Variants in USP46 observed in about 807,000 individuals in gnomAD.
USP46 encodes the protein ubiquitin carboxyl-terminal hydrolase 46.
USP46 carries 12 observed loss-of-function variants against 44.4 expected under a neutral mutation model. That is an observed-to-expected ratio of 0.27 (90% confidence interval 0.17 to 0.44). The LOEUF is 0.44. USP46 is among the 20% of genes least tolerant of loss of function. The pLI, the probability that USP46 is intolerant of heterozygous loss-of-function variation, is 1.00. For missense variants in USP46, 248 were observed against 444.8 expected, an observed-to-expected ratio of 0.56 and a Z score of 3.98; for synonymous variants, 155 against 161.5, an observed-to-expected ratio of 0.96 and a Z score of 0.31.
chr4:52,593,177 G>T lies in USP46; in HGVS notation c.*4463C>A, dbSNP rs901337507. On this transcript the variant is annotated 3_prime_UTR_variant, in exon 9 of 9. Transcript: ENST00000441222. The stretch of plus-strand genomic sequence containing the variant: ...GGTATTTTAAGTATCAATAAAAAGA[G>T]AGGAAAGGAAATTTGAAGAAATGGG... 2.6e-6 allele frequency: 1 copy of T among 378,776 alleles called. No individual in the cohort carries two copies. The highest frequency in any genetic ancestry group is 4.7e-6 in the Non-Finnish European group (1 of 214,498). 23.5% of individuals were successfully genotyped at this position (378,776 alleles called of 1,614,324 possible).
At position 52,594,474 on chromosome 4, in the gene USP46, T is replaced by C. The variant is rs1048725045; in HGVS notation, c.*3166A>G. 6.6e-6 allele frequency: 1 copy of C among 152,244 alleles called. No homozygotes were observed. Among genetic ancestry groups the C allele is most frequent in the Non-Finnish European group, 1.5e-5 (1 of 68,038 alleles). The allele number at this position is 152,244 out of a possible 1,614,324, so 9.4% of individuals were successfully genotyped here. ...CAGAAAAGTAGGAAATAATTTTCCCTGACCCATGCCACTTACATGAGTTCA... is the reference window on the plus strand; with the variant it reads ...CAGAAAAGTAGGAAATAATTTTCCCCGACCCATGCCACTTACATGAGTTCA... On this transcript the variant is annotated 3_prime_UTR_variant, in exon 9 of 9. Transcript: ENST00000441222.
chr4:52,651,395 A>G lies in USP46; in HGVS notation c.36+7720T>C, dbSNP rs548101810. ...AAACTCTCTGGGTGTTGAACCCCAG[A>G]GTCTAAATTTTTAATAAGAGAATGC... On this transcript the variant is annotated intron_variant, in intron 1 of 8. Transcript: ENST00000441222. Among the ~76,000 whole-genome samples the G allele has an allele frequency of 5.9e-5, 9 of 152,264 alleles. No individual in the cohort carries two copies. In the East Asian group the frequency reaches 1.7e-3, roughly 29 times the overall value.
intron 1 of USP46, among the ~76,000 whole-genome samples, chr4:52,632,972 G>GAAAGAAAGAAAGAAAGA (rs1560405998): frequency 1.4e-5 from 1 of 73,986 alleles, no homozygotes; most frequent in Non-Finnish European, 2.6e-5. Context: ...AAGAAAGAAA[G>GAAAGAAAGAAAGAAAGA]AAAGAAAGAA....
At chr4:52,616,799 T>G (rs898503013) in intron 4 of USP46, among the ~76,000 whole-genome samples, 2 of 152,072 alleles carry the variant, frequency 1.3e-5, no homozygotes, top group Non-Finnish European at 2.9e-5. Context: ...CACAACAAAA[T>G]TAGAAATCAA....
chr4:52,656,296 C>A (rs1457203182), intron 1 of USP46: 3 of 1,551,436 alleles, frequency 1.9e-6, no homozygotes, highest in Non-Finnish European at 2.6e-6. Flanking sequence ...AGACACCTAC[C>A]TGAAAACAAT....
chr4:52,606,624 T>C (rs140155230), intron 5 of USP46, among the ~76,000 whole-genome samples: 2 of 152,276 alleles, frequency 1.3e-5, no homozygotes, highest in African/African-American at 4.8e-5. Flanking sequence ...TGGGAATTAT[T>C]ACAATCCAAT....
chr4:52,632,918 G>GAGAAGGAAAGAA (rs1717900413), intron 1 of USP46, among the ~76,000 whole-genome samples: 1 of 35,176 alleles, frequency 2.8e-5, no homozygotes, highest in Admixed American at 3.8e-4. Context: ...AAGAAAGAAA[G>GAGAAGGAAAGAA]AGAAAGAAAG....
At chr4:52,613,655 G>A (rs549551916) in intron 4 of USP46, among the ~76,000 whole-genome samples, 1 of 151,364 alleles carries the variant, frequency 6.6e-6, no homozygotes, top group Non-Finnish European at 1.5e-5. Context: ...CCAGGAGGCG[G>A]AGGTTGCAGT....
At chr4:52,619,595 T>G (rs1444998903) in intron 4 of USP46, among the ~76,000 whole-genome samples, 1 of 152,220 alleles carries the variant, frequency 6.6e-6, no homozygotes, top group African/African-American at 2.4e-5. Context: ...TCTTTCCCAT[T>G]TGGTCTTCTT....
chr4:52,640,164 G>A (rs1376242096), intron 1 of USP46, among the ~76,000 whole-genome samples: 1 of 152,120 alleles, frequency 6.6e-6, no homozygotes, highest in Non-Finnish European at 1.5e-5. Flanking sequence ...TTACCCTACA[G>A]GTACTGCTAT....
chr4:52,620,496 G>T (rs1560399537), intron 4 of USP46, among the ~76,000 whole-genome samples: 2 of 152,096 alleles, frequency 1.3e-5, no homozygotes, highest in African/African-American at 4.8e-5. Context: ...TTCTAGAAAG[G>T]CAGGGCTCTC....
At chr4:52,607,256 T>A (rs772599862) in intron 5 of USP46, among the ~76,000 whole-genome samples, 1 of 152,138 alleles carries the variant, frequency 6.6e-6, no homozygotes, top group African/African-American at 2.4e-5. Context: ...AGGGCATCCA[T>A]GAGTTGAGAA....
At chr4:52,651,536 C>A (rs1718771624) in intron 1 of USP46, among the ~76,000 whole-genome samples, 1 of 152,146 alleles carries the variant, frequency 6.6e-6, no homozygotes, top group Non-Finnish European at 1.5e-5. Flanking sequence ...AGAATACTTT[C>A]TAAATATTTA....
intron 2 of USP46, chr4:52,629,566 A>G (rs1252371726): frequency 6.6e-6 from 3 of 456,006 alleles, no homozygotes; most frequent in East Asian, 1.4e-4. Context: ...TTTCACCAAC[A>G]CAATGCCCTA....
chr4:52,611,889 C>CA (rs987505658), intron 4 of USP46, among the ~76,000 whole-genome samples: 5 of 146,580 alleles, frequency 3.4e-5, no homozygotes, highest in Non-Finnish European at 6.0e-5. Flanking sequence ...GACCCTGTCT[C>CA]AAAAAAAAAA....
chr4:52,597,559 G>T lies in USP46; in HGVS notation c.*81C>A. ...GTGATACCATTAGTGGGCCACTGGG[G>T]AAGAGGAAAGCCTGCGGAGAAGCCG... On this transcript the variant is annotated 3_prime_UTR_variant, in exon 9 of 9. Coordinates refer to ENST00000441222, the MANE Select transcript of USP46 (RefSeq NM_022832.4). 1 of 932,176 alleles carries T rather than the reference G, an allele frequency of 1.1e-6. No homozygotes were observed. The highest frequency in any genetic ancestry group is 1.7e-6 in the Non-Finnish European group (1 of 598,830). 57.7% of individuals were successfully genotyped at this position (932,176 alleles called of 1,614,324 possible).
At chr4:52,638,462 T>C (rs1439639020) in intron 1 of USP46, among the ~76,000 whole-genome samples, 1 of 152,044 alleles carries the variant, frequency 6.6e-6, no homozygotes, top group Admixed American at 6.6e-5. Context: ...TTTGTCTTTT[T>C]AAGCTACTAA....
chr4:52,622,574 C>T (rs371469832), intron 4 of USP46, among the ~76,000 whole-genome samples: 14 of 151,966 alleles, frequency 9.2e-5, no homozygotes, highest in East Asian at 3.9e-4. Context: ...GAAGCAAGAC[C>T]GACACTATCC....
intron 4 of USP46, among the ~76,000 whole-genome samples, chr4:52,620,231 T>A (rs1259359363): frequency 6.6e-6 from 1 of 152,106 alleles, no homozygotes; most frequent in Non-Finnish European, 1.5e-5. Context: ...CAACAACAAC[T>A]ACAGATGTGT....
Sources: allele counts gnomAD v4.1 joint callset (sites outside exome capture counted in the v4.1 genomes callset), GRCh38; gene constraint gnomAD v4.1.1; transcripts MANE v1.5; gene names NCBI Gene and HGNC (gene_info 2026-07-23, HGNC 2026-07-21).